Variants in TCP11L1 observed in about 807,000 individuals in gnomAD.
TCP11L1 encodes the protein T-complex protein 11-like protein 1.
Under a neutral mutation model 48.9 loss-of-function variants are expected in TCP11L1, and 28 were observed. That is an observed-to-expected ratio of 0.57 (90% confidence interval 0.42 to 0.78). The LOEUF (loss-of-function observed/expected upper bound fraction) is 0.78, where lower values mean the gene tolerates loss of function less well. Among genes scored for constraint, TCP11L1 ranks in the 30% least tolerant of loss-of-function variants. The pLI, the probability that TCP11L1 is intolerant of heterozygous loss-of-function variation, is 0.00. For synonymous variants in TCP11L1, 204 were observed against 231.9 expected (o/e 0.88, Z 1.09); for missense variants, 505 against 613.4 (o/e 0.82, Z 1.87).
At chr11:33,057,001 CA>C in intron 3 of TCP11L1, 113 bp from the exon 4 acceptor site, 1 of 1,425,726 alleles carries the variant, frequency 7.0e-7, no homozygotes, top group Non-Finnish European at 9.5e-7. Flanking sequence ...TTCCTTGGTC[CA>C]AATCACTGGG....
chr11:33,050,618 G>A lies in TCP11L1; in HGVS notation c.164-3975G>A, dbSNP rs569846131. 4.0e-5 allele frequency among the ~76,000 whole-genome samples: 6 copies of A among 151,530 alleles called. No homozygotes were observed. The South Asian group carries it at 1.2e-3, about 32-fold the overall frequency. On this transcript the variant is annotated intron_variant, in intron 2 of 9. Coordinates refer to ENST00000334274, the MANE Select transcript of TCP11L1 (RefSeq NM_018393.4). Reference sequence around the variant, plus strand: ...ACTGTGATCACCACTCTCCAGTTTGGGCAACAGAATAAGACCCTATTTCAA... The same window carrying A: ...ACTGTGATCACCACTCTCCAGTTTGAGCAACAGAATAAGACCCTATTTCAA...
rs1156592565 is a variant in TCP11L1 at position 33,054,580 on chromosome 11, G to A, written c.164-13G>A. 3.1e-6 allele frequency: 5 copies of A among 1,606,188 alleles called. No individual in the cohort carries two copies. Among genetic ancestry groups the A allele is most frequent in the Non-Finnish European group, 4.2e-6 (5 of 1,177,694 alleles). On this transcript the variant is annotated splice_polypyrimidine_tract_variant and intron_variant, in intron 2 of 9. Coordinates refer to ENST00000334274, the MANE Select transcript of TCP11L1 (RefSeq NM_018393.4). ...CAGGGAAGCAAATCTCTTACAGTGA[G>A]TTTCTGTTACAGCTAGTCCTCCTCG... is the stretch of plus-strand genomic sequence containing the variant.
At chr11:33,052,128 A>G (rs1854178143) in intron 2 of TCP11L1, among the ~76,000 whole-genome samples, 1 of 152,170 alleles carries the variant, frequency 6.6e-6, no homozygotes, top group Non-Finnish European at 1.5e-5. Flanking sequence ...ATCAAGAAAA[A>G]TAATGAGTAC....
chr11:33,054,424 A>C (rs6484637), intron 2 of TCP11L1, among the ~76,000 whole-genome samples, 169 bp from the exon 3 acceptor site: 62,373 of 151,974 alleles, frequency 0.41, 13,013 homozygotes, highest in African/African-American at 0.48. Flanking sequence ...TTCAAGGGTA[A>C]AAAATGAATA....
rs187183240 is a variant in TCP11L1 at position 33,051,414 on chromosome 11, G to A, written c.164-3179G>A. 1.1e-3 allele frequency among the ~76,000 whole-genome samples: 168 copies of A among 151,658 alleles called. 4 individuals are homozygous for A. The East Asian group carries it at 0.03, about 27-fold the overall frequency. On this transcript the variant is annotated intron_variant, in intron 2 of 9. Coordinates refer to ENST00000334274, the MANE Select transcript of TCP11L1 (RefSeq NM_018393.4). ...GTTCTCCCGACCTTGTGGTCCGCTC[G>A]CCTCAGCCTCCCAAAGTGCTGGGAT...
At chr11:33,050,669 T>G (rs1394701960) in intron 2 of TCP11L1, among the ~76,000 whole-genome samples, 1 of 152,236 alleles carries the variant, frequency 6.6e-6, no homozygotes, top group Non-Finnish European at 1.5e-5. Flanking sequence ...AAAACCTTTT[T>G]ATTTTCTTAA....
intron 8 of TCP11L1, among the ~76,000 whole-genome samples, chr11:33,068,269 TC>T (rs1403713478): frequency 6.6e-6 from 1 of 152,226 alleles, no homozygotes; most frequent in Non-Finnish European, 1.5e-5. Flanking sequence ...GTTTCAAAAA[TC>T]AAAAGGTACA....
In TCP11L1 at chr11:33,043,876, G is replaced by A; in HGVS notation, c.103G>A (p.Ala35Thr). 1 of 1,613,812 alleles carries A rather than the reference G, an allele frequency of 6.2e-7. No homozygotes were observed. Among genetic ancestry groups the A allele is most frequent in the Admixed American group, 1.7e-5 (1 of 59,950 alleles). The change falls in exon 2 of 10, where the codon GCC becomes ACC. Residue 35 changes from alanine to threonine, a missense_variant. By Grantham distance (58) the Ala-to-Thr change is moderately conservative (BLOSUM62 0). This residue lies in a region of TCP11L1 where 168 missense variants were observed against 183.5 expected (regional missense o/e 0.92). Coordinates refer to ENST00000334274, the MANE Select transcript of TCP11L1 (RefSeq NM_018393.4). Reference sequence around the variant, plus strand: ...AGATGCTGTGGAAGGTGCTGATGAAGCCTTACAAAAAGCAATAAAGTCAGA... The same window carrying A: ...AGATGCTGTGGAAGGTGCTGATGAAACCTTACAAAAAGCAATAAAGTCAGA... ...LEDAVEGADE[A>T]LQKAIKSDSS...
At chr11:33,061,304 G>A (rs1008715963) in intron 6 of TCP11L1, among the ~76,000 whole-genome samples, 9 of 152,202 alleles carry the variant, frequency 5.9e-5, no homozygotes, top group African/African-American at 2.2e-4. Flanking sequence ...GGTGGGTGTT[G>A]TAAATTTGCC....
At chr11:33,042,132 TTG>T (rs1309834216) in intron 1 of TCP11L1, among the ~76,000 whole-genome samples, 1 of 152,036 alleles carries the variant, frequency 6.6e-6, no homozygotes, top group Admixed American at 6.6e-5. Context: ...GTTTTTTTGT[TTG>T]TTTGTTTGTT....
chr11:33,050,389 GATAATAACACCTGATGCTTGATA>G (rs1362850303), intron 2 of TCP11L1, among the ~76,000 whole-genome samples: 1 of 13,650 alleles, frequency 7.3e-5, no homozygotes, highest in East Asian at 0.01. Flanking sequence ...CCTGATGCTT[GATAATAACACCTGATGCTTGATA>G]ATAACACCTG....
At chr11:33,040,038 G>C (rs1384977533) in intron 1 of TCP11L1, 1 of 152,266 alleles carries the variant, frequency 6.6e-6, no homozygotes, top group Non-Finnish European at 1.5e-5. Flanking sequence ...GTTTACAACG[G>C]AATCCGGACG....
At chr11:33,063,607 C>T (rs1177251166) in intron 7 of TCP11L1, among the ~76,000 whole-genome samples, 2 of 152,208 alleles carry the variant, frequency 1.3e-5, no homozygotes, top group Non-Finnish European at 2.9e-5. Flanking sequence ...ACAATACATA[C>T]TTCTAACTGC....
intron 7 of TCP11L1, among the ~76,000 whole-genome samples, chr11:33,062,443 G>A (rs1205881057): frequency 1.3e-5 from 2 of 152,144 alleles, no homozygotes; most frequent in African/African-American, 4.8e-5. Context: ...TCACGTTGTA[G>A]CACATATAGC....
Position 33,057,159 on chromosome 11 carries a change from A to T in TCP11L1, c.341A>T (p.Asp114Val). Residue 114 changes from aspartate (D) to valine (V), a missense_variant, in exon 4 of 10, where the codon GAT becomes GTT. Coordinates refer to ENST00000334274, the MANE Select transcript of TCP11L1 (RefSeq NM_018393.4). ...VKEIVHKAFWDCLSVQLSEDP... is the reference protein window; with the variant it reads ...VKEIVHKAFWVCLSVQLSEDP... ...GAGATTGTACATAAAGCGTTTTGGG[A>T]TTGCTTGAGTGTGCAGCTAAGTGAA... 2 of 1,613,778 alleles carry T rather than the reference A, an allele frequency of 1.2e-6. No homozygotes were observed. Among genetic ancestry groups the T allele is most frequent in the Non-Finnish European group, 1.7e-6 (2 of 1,179,960 alleles).
intron 5 of TCP11L1, 94 bp downstream of exon 5, chr11:33,058,233 C>T: frequency 8.3e-7 from 1 of 1,205,524 alleles, no homozygotes; most frequent in Non-Finnish European, 1.1e-6. Flanking sequence ...GAGTCTCACT[C>T]TGTTGCAAAG....
intron 2 of TCP11L1, among the ~76,000 whole-genome samples, chr11:33,044,995 G>A (rs1413291051): frequency 1.3e-5 from 2 of 152,158 alleles, no homozygotes; most frequent in African/African-American, 4.8e-5. Context: ...GGTAATAAAT[G>A]CTTAATAAAC....
intron 1 of TCP11L1, among the ~76,000 whole-genome samples, chr11:33,042,256 G>A (rs1853858536): frequency 6.6e-6 from 1 of 152,132 alleles, no homozygotes; most frequent in Non-Finnish European, 1.5e-5. Context: ...TCAGCCTCCT[G>A]AGTATTTGGG....
intron 4 of TCP11L1, among the ~76,000 whole-genome samples, chr11:33,057,436 A>G (rs1445107222): frequency 6.6e-6 from 1 of 152,264 alleles, no homozygotes; most frequent in Admixed American, 6.5e-5. Context: ...ACCTGAAGGC[A>G]TTTAAGACAA....
Sources: allele counts gnomAD v4.1 joint callset (sites outside exome capture counted in the v4.1 genomes callset), GRCh38; gene constraint gnomAD v4.1.1; regional missense constraint gnomAD v4.1.1; transcripts MANE v1.5; gene names NCBI Gene and HGNC (gene_info 2026-07-23, HGNC 2026-07-21).